The following DOP1B variants were observed in gnomAD, a reference collection of about 807,000 sequenced individuals.
DOP1B encodes protein DOP1B.
In DOP1B, 174 loss-of-function variants were observed where a neutral mutation model predicts 233.5. The ratio of observed to expected loss-of-function variants is 0.75; its 90% confidence interval spans 0.66 to 0.85. The LOEUF (loss-of-function observed/expected upper bound fraction) is 0.85, where lower values mean the gene tolerates loss of function less well. Ranked by LOEUF, DOP1B falls within the 40% of genes least tolerant of loss-of-function variation. DOP1B has a pLI of 0.00. For missense variants in DOP1B, 2,652 were observed against 2,846.6 expected (o/e 0.93, Z 1.56); for synonymous variants, 1,190 against 1,185.6 (o/e 1.00, Z -0.08).
intron 2 of DOP1B, among the ~76,000 whole-genome samples, chr21:36,187,720 GC>G (rs1159642747): frequency 3.9e-5 from 6 of 152,204 alleles, no homozygotes; most frequent in African/African-American, 1.2e-4. Flanking sequence ...TGATCCTCCT[GC>G]CTCAGCCTCC....
intron 2 of DOP1B, among the ~76,000 whole-genome samples, chr21:36,177,913 C>T (rs1455132192): frequency 6.6e-6 from 1 of 152,150 alleles, no homozygotes; most frequent in African/African-American, 2.4e-5. Flanking sequence ...ACTAAAATAT[C>T]CAGCAATCTA....
At chr21:36,258,948 A>G (rs1490210609) in intron 23 of DOP1B, among the ~76,000 whole-genome samples, 1 of 147,104 alleles carries the variant, frequency 6.8e-6, no homozygotes, top group Non-Finnish European at 1.5e-5. Flanking sequence ...CCAAGAACGT[A>G]TGGTCATCCT....
intron 10 of DOP1B, among the ~76,000 whole-genome samples, chr21:36,221,960 C>T (rs1276894950): frequency 6.6e-6 from 1 of 152,212 alleles, no homozygotes; most frequent in East Asian, 1.9e-4. Flanking sequence ...CAACCTCCAC[C>T]TCCTGGGCTA....
chr21:36,189,072 T>C (rs2066199800), intron 2 of DOP1B, among the ~76,000 whole-genome samples: 2 of 152,238 alleles, frequency 1.3e-5, no homozygotes, highest in Non-Finnish European at 2.9e-5. Flanking sequence ...TCGTGTTCCC[T>C]ACACAGAATG....
Position 36,256,861 on chromosome 21 carries a change from A to G in DOP1B, c.5259+2952A>G, listed in dbSNP as rs532212505. On this transcript the variant is annotated intron_variant, in intron 23 of 36. Coordinates refer to ENST00000691173, the MANE Select transcript of DOP1B (RefSeq NM_001320714.2). ...ATGCGGGGAGTTCTCCCCACCAGCA[A>G]GCAAGCAATTGATTCCGCAGTGGAC... 2.2e-3 allele frequency among the ~76,000 whole-genome samples: 331 copies of G among 152,338 alleles called. 3 individuals carry two copies. The highest frequency in any genetic ancestry group is 7.3e-3 in the African/African-American group (305 of 41,574).
intron 9 of DOP1B, among the ~76,000 whole-genome samples, chr21:36,215,525 T>C (rs1334377621): frequency 6.6e-6 from 1 of 151,876 alleles, no homozygotes; most frequent in Non-Finnish European, 1.5e-5. Context: ...CTGCCTCAGC[T>C]TCCCCAGTAG....
rs766363149 is a variant in DOP1B at position 36,280,267 on chromosome 21, G to A, written c.5970-18G>A. On this transcript the variant is annotated intron_variant, in intron 30 of 36. Coordinates refer to ENST00000691173, the MANE Select transcript of DOP1B (RefSeq NM_001320714.2). The stretch of plus-strand genomic sequence containing the variant: ...ATCCACTGCAAATTTAATTGATTTT[G>A]CTTTCTTTAATATCCAGTTGGAAGT... The A allele has an allele frequency of 6.4e-7, 1 of 1,559,392 alleles. No homozygotes were observed. Among genetic ancestry groups the A allele is most frequent in the South Asian group, 1.1e-5 (1 of 87,468 alleles).
At chr21:36,272,984 CAAAAAAAAAAA>C (rs1167312513) in intron 27 of DOP1B, among the ~76,000 whole-genome samples, 1 of 56,916 alleles carries the variant, frequency 1.8e-5, no homozygotes, top group Non-Finnish European at 3.0e-5. Flanking sequence ...AACTCCATCT[CAAAAAAAAAAA>C]AAAAAAAAAA....
At chr21:36,228,691 A>G (rs1303300535) in intron 13 of DOP1B, among the ~76,000 whole-genome samples, 1 of 151,964 alleles carries the variant, frequency 6.6e-6, no homozygotes, top group African/African-American at 2.4e-5. Context: ...GCGTGAACCC[A>G]GGAGGCAGAC....
At chr21:36,172,449 A>G (rs892769173) in intron 2 of DOP1B, among the ~76,000 whole-genome samples, 3 of 152,178 alleles carry the variant, frequency 2.0e-5, no homozygotes, top group Non-Finnish European at 4.4e-5. Flanking sequence ...AGGGTCCCTG[A>G]TAGGAGTTGG....
rs2065988744 is a variant in DOP1B, at chr21:36,173,205, ATTCTTTTTTTTAAGGTAG to A, written c.138+8335_138+8352del. On this transcript the variant is annotated intron_variant, in intron 2 of 36. Coordinates refer to ENST00000691173, the MANE Select transcript of DOP1B (RefSeq NM_001320714.2). ...TAGGACACAAAAGCTTAGGGTCAAC[ATTCTTTTTTTTAAGGTAG>A]GTAACTAAATGTTATAATGCATAAA... Among the ~76,000 whole-genome samples the A allele has an allele frequency of 2.6e-5, 4 of 152,258 alleles. No individual in the cohort carries two copies. The East Asian group carries it at 7.7e-4, about 29-fold the overall frequency.
chr21:36,211,991 C>T lies in DOP1B; in HGVS notation c.798C>T (p.Ala266=). 6.2e-7 allele frequency: 1 copy of T among 1,614,036 alleles called. No homozygotes were observed. Among genetic ancestry groups the T allele is most frequent in the Non-Finnish European group, 8.5e-7 (1 of 1,180,002 alleles). ...TCTAATAGGATTCCAATGAGAGAGC[C>T]ATCCCCCTCCTCAGATCTGACATCG... The part of the protein sequence containing the change: ...FYTCLDSNER[A]IPLLRSDIVR... The change falls in exon 7 of 37, where the codon GCC becomes GCT. Residue 266 remains alanine, a synonymous_variant. Coordinates refer to ENST00000691173, the MANE Select transcript of DOP1B (RefSeq NM_001320714.2).
intron 9 of DOP1B, among the ~76,000 whole-genome samples, chr21:36,217,786 T>C (rs528741879): frequency 6.6e-6 from 1 of 152,316 alleles, no homozygotes; most frequent in South Asian, 2.1e-4. Flanking sequence ...AATCATGATT[T>C]AGTCCAAAAA....
At chr21:36,286,880 C>T (rs1049914508) in intron 32 of DOP1B, among the ~76,000 whole-genome samples, 1 of 151,838 alleles carries the variant, frequency 6.6e-6, no homozygotes, top group Non-Finnish European at 1.5e-5. Context: ...AGGAGAATTG[C>T]TTGAACCCGG....
intron 2 of DOP1B, among the ~76,000 whole-genome samples, chr21:36,178,745 A>G (rs2066061204): frequency 6.6e-6 from 1 of 152,260 alleles, no homozygotes; most frequent in Non-Finnish European, 1.5e-5. Flanking sequence ...TTTGAGTCAC[A>G]TACAGGCATT....
intron 35 of DOP1B, among the ~76,000 whole-genome samples, chr21:36,289,617 A>G (rs2067534404): frequency 6.6e-6 from 1 of 152,164 alleles, no homozygotes; most frequent in East Asian, 1.9e-4. Context: ...TTTGCCCCAT[A>G]GGCTTATGTT....
chr21:36,229,945 G>A (rs930372472), intron 13 of DOP1B, among the ~76,000 whole-genome samples: 2 of 152,114 alleles, frequency 1.3e-5, no homozygotes, highest in Non-Finnish European at 2.9e-5. Flanking sequence ...TTACAGGCAT[G>A]AGCCACCACA....
chr21:36,241,701 T>C (rs1343287380), intron 18 of DOP1B, among the ~76,000 whole-genome samples: 1 of 143,628 alleles, frequency 7.0e-6, no homozygotes, highest in Non-Finnish European at 1.5e-5. Context: ...TTCTTTTTTT[T>C]TTTTTTTTTT....
chr21:36,290,081 C>T (rs1235968986), intron 35 of DOP1B, among the ~76,000 whole-genome samples: 1 of 152,092 alleles, frequency 6.6e-6, no homozygotes, highest in Non-Finnish European at 1.5e-5. Flanking sequence ...AGAGGCTCTT[C>T]AGTTTTAACA....
Sources: allele counts gnomAD v4.1 joint callset (sites outside exome capture counted in the v4.1 genomes callset), GRCh38; gene constraint gnomAD v4.1.1; transcripts MANE v1.5; gene names NCBI Gene and HGNC (gene_info 2026-07-23, HGNC 2026-07-21).